Variants in RAD50 observed in about 807,000 individuals in gnomAD.
RAD50 encodes the protein RAD50 double strand break repair protein, also known as DNA repair protein RAD50.
Under a neutral mutation model 168.8 loss-of-function variants are expected in RAD50, and 132 were observed. The ratio of observed to expected loss-of-function variants is 0.78; its 90% confidence interval spans 0.68 to 0.90. The LOEUF is 0.90. Among genes scored for constraint, RAD50 ranks in the 40% least tolerant of loss-of-function variants. The pLI is 0.00. For synonymous variants in RAD50, 525 were observed against 497.4 expected (o/e 1.06, Z -0.74); for missense variants, 1,347 against 1,534.4 (o/e 0.88, Z 2.04).
chr5:132,559,570 T>C lies in RAD50; in HGVS notation c.213+203T>C, dbSNP rs77099043. 3.7e-3 allele frequency among the ~76,000 whole-genome samples: 561 copies of C among 152,338 alleles called. 2 individuals are homozygous for C. The highest frequency in any genetic ancestry group is 0.013 in the African/African-American group (525 of 41,572). ...GTTTTATATAGCTGATGTCATACTC[T>C]TAATTTTGTATTCTGGGTTTTTTTC... On this transcript the variant is annotated intron_variant, in intron 2 of 24. Transcript: ENST00000378823.
chr5:132,641,818 C>CCT (rs1751728058), intron 24 of RAD50: 1 of 199,174 alleles, frequency 5.0e-6, no homozygotes, highest in Admixed American at 5.3e-5. Flanking sequence ...AAATCCCAGG[C>CCT]GAAGGAGTAA....
At chr5:132,637,272 A>G (rs1751603492) in intron 22 of RAD50, 72 bp downstream of exon 22, 6 of 1,559,794 alleles carry the variant, frequency 3.8e-6, no homozygotes, top group Middle Eastern at 1.7e-4. Flanking sequence ...ATGACCTCTC[A>G]TCATGCCAGC....
chr5:132,609,001 T>C, intron 17 of RAD50, 116 bp from the exon 18 acceptor site: 1 of 1,423,066 alleles, frequency 7.0e-7, no homozygotes, highest in Non-Finnish European at 9.5e-7. Context: ...TAAAATTCAG[T>C]AGTGGTGGAA....
intron 2 of RAD50, among the ~76,000 whole-genome samples, chr5:132,575,238 C>T (rs557573804): frequency 4.6e-5 from 7 of 152,142 alleles, no homozygotes; most frequent in Non-Finnish European, 7.4e-5. Flanking sequence ...GGTAAGGAGG[C>T]GCAAGTCACA....
chr5:132,588,366 T>C (rs1055586372), intron 7 of RAD50, among the ~76,000 whole-genome samples: 1 of 152,206 alleles, frequency 6.6e-6, no homozygotes, highest in Non-Finnish European at 1.5e-5. Context: ...GTATTGGAAC[T>C]GTTCAGTATC....
chr5:132,568,425 G>A (rs1315889389), intron 2 of RAD50, among the ~76,000 whole-genome samples: 1 of 151,884 alleles, frequency 6.6e-6, no homozygotes, highest in African/African-American at 2.4e-5. Flanking sequence ...AGGACTTAAA[G>A]GAAAAGATGG....
chr5:132,591,091 T>C (rs1750688818), intron 9 of RAD50, 133 bp from the exon 10 acceptor site: 8 of 905,510 alleles, frequency 8.8e-6, no homozygotes, highest in Admixed American at 2.2e-5. Flanking sequence ...CTTATGTTTT[T>C]TTCTCTTGTT....
chr5:132,598,070 CAG>C (rs199971277), intron 13 of RAD50, among the ~76,000 whole-genome samples: 2,148 of 146,172 alleles, frequency 0.015, 61 homozygotes, highest in African/African-American at 0.052. Context: ...TTTTTTGAGA[CAG>C]AGTTTTGCTT....
In RAD50 at chr5:132,603,913, T is replaced by C; in HGVS notation, c.2398-7T>C. 1.3e-6 allele frequency: 2 copies of C among 1,587,672 alleles called. No homozygotes were observed. The highest frequency in any genetic ancestry group is 1.7e-6 in the Non-Finnish European group (2 of 1,156,928). On this transcript the variant is annotated splice_region_variant and splice_polypyrimidine_tract_variant and intron_variant, in intron 14 of 24. Coordinates refer to ENST00000378823, the MANE Select transcript of RAD50 (RefSeq NM_005732.4). ...ATTAAAGGAAATCATTTTGTTATAT[T>C]CTTAAGATGGAACTTAAAGATGTTG... is the stretch of plus-strand genomic sequence containing the variant.
chr5:132,627,458 A>T (rs893355828), intron 21 of RAD50, among the ~76,000 whole-genome samples: 1 of 152,194 alleles, frequency 6.6e-6, no homozygotes, highest in African/African-American at 2.4e-5. Context: ...AAAATGAACA[A>T]TGTGAGCATA....
chr5:132,576,820 T>C (rs563750928), intron 3 of RAD50, among the ~76,000 whole-genome samples: 2 of 152,356 alleles, frequency 1.3e-5, no homozygotes, highest in Non-Finnish European at 2.9e-5. Flanking sequence ...CTGTTTTTAA[T>C]TAGGGTAATG....
At chr5:132,560,030 C>T (rs993064126) in intron 2 of RAD50, among the ~76,000 whole-genome samples, 2 of 151,230 alleles carry the variant, frequency 1.3e-5, no homozygotes, top group African/African-American at 2.5e-5. Flanking sequence ...TGTTTTTGCA[C>T]ATATAGAAGT....
intron 8 of RAD50, 31 bp from the exon 9 acceptor site, chr5:132,589,600 A>AT: frequency 6.7e-7 from 1 of 1,483,452 alleles, no homozygotes; most frequent in Non-Finnish European, 9.1e-7. Flanking sequence ...TTAGTAAATT[A>AT]TTAATGCTCA....
intron 21 of RAD50, among the ~76,000 whole-genome samples, chr5:132,629,387 G>C (rs776773272): frequency 3.9e-5 from 6 of 152,130 alleles, no homozygotes. Flanking sequence ...AAGTGCCTCA[G>C]TCACAGAGGC....
chr5:132,604,410 C>A (rs1199823331), intron 15 of RAD50, among the ~76,000 whole-genome samples: 1 of 152,014 alleles, frequency 6.6e-6, no homozygotes, highest in African/African-American at 2.4e-5. Context: ...GGGTTACAGG[C>A]ACACATCACT....
rs1554101177 is a variant in RAD50, at chr5:132,640,703, T to C, written c.3650T>C (p.Leu1217Pro). The change falls in exon 24 of 25, where the codon CTG becomes CCG. Residue 1217 changes from leucine to proline, a missense_variant. By Grantham distance (98) the Leu-to-Pro change is moderately conservative. Coordinates refer to ENST00000378823, the MANE Select transcript of RAD50 (RefSeq NM_005732.4). ...VLASLIIRLA[L>P]AETFCLNCGI... ...GCCTCACTCATCATTCGCCTGGCCC[T>C]GGCTGAAACGTTCTGCCTCAACTGT... The C allele has an allele frequency of 1.2e-6, 2 of 1,614,238 alleles. No homozygotes were observed. Among genetic ancestry groups the C allele is most frequent in the South Asian group, 1.1e-5 (1 of 91,088 alleles).
At chr5:132,569,190 T>C (rs182983306) in intron 2 of RAD50, among the ~76,000 whole-genome samples, 25 of 152,276 alleles carry the variant, frequency 1.6e-4, no homozygotes, top group African/African-American at 6.0e-4. Flanking sequence ...ATAACTCTTA[T>C]AAATATGCTC....
At chr5:132,634,599 T>G (rs1751538198) in intron 21 of RAD50, among the ~76,000 whole-genome samples, 1 of 152,156 alleles carries the variant, frequency 6.6e-6, no homozygotes, top group Non-Finnish European at 1.5e-5. Context: ...GGACCTTATT[T>G]TAGAGCAGCC....
At chr5:132,607,404 TC>T (rs1325871164) in intron 16 of RAD50, among the ~76,000 whole-genome samples, 1 of 152,192 alleles carries the variant, frequency 6.6e-6, no homozygotes, top group African/African-American at 2.4e-5. Context: ...GCATTTGACA[TC>T]CCTTATATAG....
Sources: allele counts gnomAD v4.1 joint callset (sites outside exome capture counted in the v4.1 genomes callset), GRCh38; gene constraint gnomAD v4.1.1; transcripts MANE v1.5; gene names NCBI Gene and HGNC (gene_info 2026-07-23, HGNC 2026-07-21).